Variants in PDLIM5 observed in about 807,000 individuals in gnomAD.
PDLIM5 encodes PDZ and LIM domain protein 5.
Under a neutral mutation model 64.2 loss-of-function variants are expected in PDLIM5, and 34 were observed. The observed-to-expected ratio is 0.53, with a 90% confidence interval of 0.40 to 0.71. The LOEUF (loss-of-function observed/expected upper bound fraction) is 0.71. Ranked by LOEUF, PDLIM5 falls within the 30% of genes least tolerant of loss-of-function variation. The pLI is 0.00. For missense variants in PDLIM5, 683 were observed against 733.6 expected, an observed-to-expected ratio of 0.93 and a Z score of 0.80; for synonymous variants, 253 against 269.1, an observed-to-expected ratio of 0.94 and a Z score of 0.59.
Position 94,664,360 on chromosome 4 carries a change from G to T in PDLIM5, c.*293G>T. 4 of 708,270 alleles carry T rather than the reference G, an allele frequency of 5.6e-6. No homozygotes were observed. Among genetic ancestry groups the T allele is most frequent in the Non-Finnish European group, 7.0e-6 (4 of 571,988 alleles). 43.9% of individuals were successfully genotyped at this position (708,270 alleles called of 1,614,324 possible). On this transcript the variant is annotated 3_prime_UTR_variant, in exon 13 of 13. Transcript: ENST00000317968. ...ATTCATCTTAGAATAAATTAGTGAA[G>T]AATTTAATTTTAGAATAAATAATCC...
intron 8 of PDLIM5, among the ~76,000 whole-genome samples, chr4:94,631,991 C>G (rs1382468933): frequency 6.6e-6 from 1 of 152,250 alleles, no homozygotes; most frequent in Non-Finnish European, 1.5e-5. Flanking sequence ...AATAAATGAT[C>G]TGTACAGGCG....
chr4:94,571,261 G>T (rs1734780247), intron 3 of PDLIM5, among the ~76,000 whole-genome samples: 1 of 152,100 alleles, frequency 6.6e-6, no homozygotes, highest in Non-Finnish European at 1.5e-5. Flanking sequence ...AACTGTTCAG[G>T]TAGAGGTTCT....
At chr4:94,542,000 G>C (rs1972011) in intron 3 of PDLIM5, among the ~76,000 whole-genome samples, 2 of 151,914 alleles carry the variant, frequency 1.3e-5, no homozygotes, top group African/African-American at 4.8e-5. Context: ...GAATGGAGTC[G>C]GGGAGATGGG....
intron 1 of PDLIM5, among the ~76,000 whole-genome samples, chr4:94,453,629 A>G (rs1723058697): frequency 6.6e-6 from 1 of 152,218 alleles, no homozygotes; most frequent in Non-Finnish European, 1.5e-5. Context: ...TGCCTGTGAA[A>G]TATCAGTTGG....
intron 2 of PDLIM5, among the ~76,000 whole-genome samples, chr4:94,521,434 T>A (rs543780666): frequency 6.6e-6 from 1 of 152,164 alleles, no homozygotes; most frequent in African/African-American, 2.4e-5. Flanking sequence ...ATTTACATTG[T>A]TACATTTAGT....
chr4:94,493,895 T>C (rs1029720614), intron 2 of PDLIM5, among the ~76,000 whole-genome samples: 2 of 152,130 alleles, frequency 1.3e-5, no homozygotes, highest in African/African-American at 4.8e-5. Context: ...CCAGACTACT[T>C]TCATATCTTG....
At chr4:94,518,871 T>C (rs1427580701) in intron 2 of PDLIM5, among the ~76,000 whole-genome samples, 1 of 152,194 alleles carries the variant, frequency 6.6e-6, no homozygotes, top group African/African-American at 2.4e-5. Flanking sequence ...CCGGTACTCT[T>C]CTTTGTTTCC....
chr4:94,633,692 T>C (rs1391113128), intron 8 of PDLIM5, among the ~76,000 whole-genome samples: 4 of 152,120 alleles, frequency 2.6e-5, no homozygotes, highest in Non-Finnish European at 5.9e-5. Flanking sequence ...TAGAGCAATG[T>C]ACAAAATAGA....
chr4:94,589,826 G>A (rs2110326988), intron 7 of PDLIM5, among the ~76,000 whole-genome samples: 1 of 151,394 alleles, frequency 6.6e-6, no homozygotes, highest in South Asian at 2.1e-4. Flanking sequence ...CCAGGCTGGA[G>A]TGCGATGGTG....
At chr4:94,605,742 A>T (rs998746695) in intron 7 of PDLIM5, among the ~76,000 whole-genome samples, 1 of 152,200 alleles carries the variant, frequency 6.6e-6, no homozygotes, top group African/African-American at 2.4e-5. Flanking sequence ...CTTGGAGATC[A>T]TCTTCAAAGG....
intron 2 of PDLIM5, among the ~76,000 whole-genome samples, chr4:94,485,894 C>G (rs1258379458): frequency 1.3e-5 from 2 of 151,348 alleles, no homozygotes; most frequent in Non-Finnish European, 1.5e-5. Flanking sequence ...TCTGATGGCT[C>G]TTTTACCTTT....
chr4:94,453,321 A>C (rs946266801), intron 1 of PDLIM5, among the ~76,000 whole-genome samples: 2 of 152,228 alleles, frequency 1.3e-5, no homozygotes, highest in Non-Finnish European at 2.9e-5. Context: ...GTTTTAAGGC[A>C]GATGAATTCC....
intron 7 of PDLIM5, among the ~76,000 whole-genome samples, chr4:94,613,782 A>C (rs1182855753): frequency 1.3e-5 from 1 of 76,408 alleles, no homozygotes; most frequent in Non-Finnish European, 2.5e-5. Flanking sequence ...GTTACACCTT[A>C]AATAATTTAA....
Position 94,664,380 on chromosome 4 carries a change from T to G in PDLIM5, c.*313T>G. On this transcript the variant is annotated 3_prime_UTR_variant, in exon 13 of 13. Transcript: ENST00000317968. ...GTGAAGAATTTAATTTTAGAATAAATAATCCAATCTGAAATAATTATACCT... is the reference window on the plus strand; with the variant it reads ...GTGAAGAATTTAATTTTAGAATAAAGAATCCAATCTGAAATAATTATACCT... 1.4e-6 allele frequency: 1 copy of G among 715,390 alleles called. No individual in the cohort carries two copies. 44.3% of individuals were successfully genotyped at this position (715,390 alleles called of 1,614,324 possible).
At chr4:94,566,554 C>T (rs1421117599) in intron 3 of PDLIM5, among the ~76,000 whole-genome samples, 1 of 152,198 alleles carries the variant, frequency 6.6e-6, no homozygotes, top group Non-Finnish European at 1.5e-5. Flanking sequence ...ACATACATTA[C>T]CTCATTGCGT....
intron 2 of PDLIM5, among the ~76,000 whole-genome samples, chr4:94,481,354 A>T (rs1194186190): frequency 1.4e-5 from 2 of 144,938 alleles, no homozygotes; most frequent in African/African-American, 5.2e-5. Flanking sequence ...CAGTGGTGCG[A>T]TCTCAGCTCA....
rs185341910 is a variant in PDLIM5, at chr4:94,577,355, A to G, written c.710+1321A>G. The G allele has an allele frequency of 2.2e-3, 1,007 of 456,586 alleles. 5 individuals carry two copies. The highest frequency in any genetic ancestry group is 3.4e-3 in the Non-Finnish European group (772 of 226,942). The allele number at this position is 456,586 out of a possible 1,614,324, so 28.3% of individuals were successfully genotyped here. A position where few individuals can be genotyped will look rare whatever the true frequency, so the allele number is the denominator to read the frequency against. On this transcript the variant is annotated intron_variant, in intron 5 of 12. Coordinates refer to ENST00000317968, the MANE Select transcript of PDLIM5 (RefSeq NM_006457.5). ...GGCAACTTTGGGGCTTTGAAAGAGA[A>G]GGTGGCAAAACTCCAGGCTGCTGCT... is the stretch of plus-strand genomic sequence containing the variant.
chr4:94,555,201 G>A (rs973781562), intron 3 of PDLIM5, among the ~76,000 whole-genome samples: 13 of 151,686 alleles, frequency 8.6e-5, no homozygotes, highest in Admixed American at 6.6e-5. Flanking sequence ...TTACAGGCAC[G>A]CACCACTATG....
At chr4:94,488,408 A>T (rs1160008141) in intron 2 of PDLIM5, among the ~76,000 whole-genome samples, 2 of 152,114 alleles carry the variant, frequency 1.3e-5, no homozygotes, top group Non-Finnish European at 2.9e-5. Flanking sequence ...CATAGGTGTT[A>T]ACTTTTTAGT....
Sources: gnomAD v4.1 joint callset for allele counts (sites outside exome capture counted in the v4.1 genomes callset) on GRCh38, gnomAD v4.1.1 for gene constraint, MANE v1.5 for transcripts, NCBI Gene and HGNC (gene_info 2026-07-23, HGNC 2026-07-21) for gene names.